Variants in NRG2 observed in about 807,000 individuals in gnomAD.
The protein encoded by NRG2 is pro-neuregulin-2, membrane-bound isoform.
Under a neutral mutation model 73.9 loss-of-function variants are expected in NRG2, and 27 were observed. The observed-to-expected ratio is 0.37, with a 90% CI of 0.27 to 0.50. The LOEUF (loss-of-function observed/expected upper bound fraction) is 0.50, where lower values mean the gene tolerates loss of function less well. Ranked by LOEUF, NRG2 falls within the 20% of genes least tolerant of loss-of-function variation. The pLI is 0.96. For missense variants in NRG2, 1,126 were observed against 1,210.1 expected, an observed-to-expected ratio of 0.93 and a Z score of 1.03; for synonymous variants, 532 against 541.0, an observed-to-expected ratio of 0.98 and a Z score of 0.23.
At chr5:140,014,294 T>C (rs1228964213) in intron 1 of NRG2, among the ~76,000 whole-genome samples, 1 of 152,118 alleles carries the variant, frequency 6.6e-6, no homozygotes, top group Non-Finnish European at 1.5e-5. Flanking sequence ...TACAGTGTAG[T>C]GGTGAAATCT....
At chr5:139,902,804 C>A (rs955994047) in intron 1 of NRG2, among the ~76,000 whole-genome samples, 4 of 152,194 alleles carry the variant, frequency 2.6e-5, no homozygotes, top group African/African-American at 9.7e-5. Flanking sequence ...TTTCAGATCT[C>A]AGTTTGGGAG....
chr5:140,007,253 G>C (rs949359057), intron 1 of NRG2, among the ~76,000 whole-genome samples: 5 of 152,074 alleles, frequency 3.3e-5, no homozygotes, highest in Admixed American at 1.3e-4. Context: ...AGCTCAGGTG[G>C]CTCAAAGATA....
intron 1 of NRG2, among the ~76,000 whole-genome samples, chr5:139,918,824 G>C (rs568536145): frequency 6.6e-5 from 10 of 152,278 alleles, no homozygotes; most frequent in Middle Eastern, 6.8e-3. Flanking sequence ...AAGACTGCTA[G>C]AGAGAAAGTG....
At chr5:139,890,473 C>CTTTTTTTTTTTTTTT (rs11288649) in intron 1 of NRG2, among the ~76,000 whole-genome samples, 1 of 106,028 alleles carries the variant, frequency 9.4e-6, no homozygotes, top group African/African-American at 3.5e-5. Flanking sequence ...TTCTTTCTTT[C>CTTTTTTTTTTTTTTT]TTTTTTTTTT....
chr5:139,883,492 A>T (rs913799557), intron 2 of NRG2, among the ~76,000 whole-genome samples: 1 of 152,146 alleles, frequency 6.6e-6, no homozygotes, highest in South Asian at 2.1e-4. Context: ...GCACAAAGAC[A>T]GACAGCACCC....
At chr5:140,001,008 C>T (rs1256175636) in intron 1 of NRG2, among the ~76,000 whole-genome samples, 1 of 152,176 alleles carries the variant, frequency 6.6e-6, no homozygotes, top group Non-Finnish European at 1.5e-5. Context: ...TTTCTCCACC[C>T]TCACGCCCCA....
chr5:139,980,546 T>C (rs1756719409), intron 1 of NRG2, among the ~76,000 whole-genome samples: 5 of 152,082 alleles, frequency 3.3e-5, no homozygotes, highest in Admixed American at 3.3e-4. Flanking sequence ...TGCCCACCAT[T>C]CCCCTGGCAG....
chr5:139,952,191 A>G (rs1467553262), intron 1 of NRG2, among the ~76,000 whole-genome samples: 1 of 152,192 alleles, frequency 6.6e-6, no homozygotes, highest in Admixed American at 6.5e-5. Context: ...CACCCAATAA[A>G]TGCAGTTTCC....
At chr5:139,990,502 C>T (rs1292669413) in intron 1 of NRG2, among the ~76,000 whole-genome samples, 4 of 151,872 alleles carry the variant, frequency 2.6e-5, no homozygotes, top group South Asian at 2.1e-4. Flanking sequence ...GATTGGGTTT[C>T]GCCATGTTGC....
At position 139,852,379 on chromosome 5, in the gene NRG2, G is replaced by T. The variant is rs772099686; in HGVS notation, c.1544+53C>A. On this transcript the variant is annotated intron_variant, in intron 8 of 9. Transcript: ENST00000361474. This position sits in a 1 kb window ranked among gnomAD's most constrained non-coding sequence, Gnocchi z 4.4. ...ATGTCGGAGTAAGTGGGCACTTTGC[G>T]CCAGATGAAGTATGTGAGTCTACAA... 4.0e-5 allele frequency: 64 copies of T among 1,587,840 alleles called. No individual in the cohort carries two copies. Among genetic ancestry groups the T allele is most frequent in the Middle Eastern group, 2.1e-4 (1 of 4,786 alleles).
intron 1 of NRG2, among the ~76,000 whole-genome samples, chr5:139,927,201 C>G (rs1752122214): frequency 6.6e-6 from 1 of 152,188 alleles, no homozygotes; most frequent in Non-Finnish European, 1.5e-5. Context: ...GGATGTGGTA[C>G]CTGGCAAGGG....
chr5:140,004,514 C>T (rs751018969), intron 1 of NRG2, among the ~76,000 whole-genome samples: 17 of 152,198 alleles, frequency 1.1e-4, no homozygotes, highest in East Asian at 3.9e-4. Context: ...AAGATGCCCT[C>T]GGAAAGACAC....
intron 4 of NRG2, among the ~76,000 whole-genome samples, chr5:139,866,177 A>G (rs6580288): frequency 0.27 from 40,589 of 152,076 alleles, 7,036 homozygotes; most frequent in African/African-American, 0.49. Context: ...AAGTGACCTA[A>G]GAGATGTTTT....
intron 1 of NRG2, among the ~76,000 whole-genome samples, chr5:139,888,949 GCTCT>G (rs1764044014): frequency 6.6e-6 from 1 of 152,152 alleles, no homozygotes; most frequent in Non-Finnish European, 1.5e-5. Flanking sequence ...TTTGTTAAAT[GCTCT>G]CTATGTGCCA....
intron 9 of NRG2, 68 bp from the exon 10 acceptor site, chr5:139,848,765 G>GT: frequency 1.5e-6 from 1 of 652,268 alleles, no homozygotes; most frequent in Non-Finnish European, 2.2e-6. Flanking sequence ...GGGGTTGGGG[G>GT]TGGGGTAGGG....
intron 1 of NRG2, among the ~76,000 whole-genome samples, chr5:139,992,608 T>C (rs780271103): frequency 6.6e-6 from 1 of 152,172 alleles, no homozygotes; most frequent in Non-Finnish European, 1.5e-5. Flanking sequence ...GGTTAGAAGT[T>C]CCCCTTCATT....
At chr5:140,003,670 T>C (rs1758672315) in intron 1 of NRG2, among the ~76,000 whole-genome samples, 1 of 152,210 alleles carries the variant, frequency 6.6e-6, no homozygotes, top group African/African-American at 2.4e-5. Flanking sequence ...TGGGTTGCTT[T>C]AAGCCACTAA....
chr5:139,898,758 C>A (rs1371040984), intron 1 of NRG2, among the ~76,000 whole-genome samples: 1 of 152,222 alleles, frequency 6.6e-6, no homozygotes, highest in Non-Finnish European at 1.5e-5. Context: ...CAGAACCCTT[C>A]ATTCCCTGCT....
chr5:139,892,980 G>A (rs1378040456), intron 1 of NRG2, among the ~76,000 whole-genome samples: 1 of 152,048 alleles, frequency 6.6e-6, no homozygotes, highest in Non-Finnish European at 1.5e-5. Flanking sequence ...CCCCTACTCC[G>A]CAAAGAGTTT....
Sources: allele counts gnomAD v4.1 joint callset (sites outside exome capture counted in the v4.1 genomes callset), GRCh38; gene constraint gnomAD v4.1.1; non-coding constraint Gnocchi (gnomAD v3.1); transcripts MANE v1.5; gene names NCBI Gene and HGNC (gene_info 2026-07-23, HGNC 2026-07-21).